Variants in KTN1 observed in about 807,000 individuals in gnomAD.
KTN1 encodes kinectin.
KTN1 carries 130 observed loss-of-function variants against 222.5 expected under a neutral mutation model. The observed-to-expected ratio is 0.58, with a 90% CI of 0.51 to 0.68. The LOEUF is 0.68. Among genes scored for constraint, KTN1 ranks in the 30% least tolerant of loss-of-function variants. The probability of loss-of-function intolerance (pLI) is 0.00; values close to 1 mark genes in which losing one functional copy is unlikely to be tolerated. For synonymous variants in KTN1, 512 were observed against 496.3 expected (o/e 1.03, Z -0.42); for missense variants, 1,508 against 1,500.4 (o/e 1.01, Z -0.08).
chr14:55,581,460 A>AGTGT (rs995384199), intron 1 of KTN1, among the ~76,000 whole-genome samples: 3 of 149,494 alleles, frequency 2.0e-5, no homozygotes, highest in African/African-American at 4.9e-5. Context: ...TGTGTGTGTG[A>AGTGT]GTGTGTGTGT....
chr14:55,648,868 C>G lies in KTN1; in HGVS notation c.2365C>G (p.Gln789Glu), dbSNP rs1466484294. 5 of 1,569,172 alleles carry G rather than the reference C, an allele frequency of 3.2e-6. No individual in the cohort carries two copies. Among genetic ancestry groups the G allele is most frequent in the South Asian group, 2.3e-5 (2 of 88,190 alleles). Reference sequence around the variant, plus strand: ...AGACTTAAAAGCTAAGCAAAATGATCAGGTAATGTAAATTTTTACAACTGT... The same window carrying G: ...AGACTTAAAAGCTAAGCAAAATGATGAGGTAATGTAAATTTTTACAACTGT... ...VQDLKAKQND[Q>E]VSFASLVEEL... Residue 789 changes from glutamine (Q) to glutamate (E), a missense_variant and splice_region_variant, in exon 21 of 44, where the codon CAG (glutamine) becomes GAG (glutamate). Gln to Glu is a conservative substitution (Grantham distance 29). Coordinates refer to ENST00000395314, the MANE Select transcript of KTN1 (RefSeq NM_001079521.2).
At chr14:55,632,082 C>A (rs905063915) in intron 7 of KTN1, among the ~76,000 whole-genome samples, 2 of 152,164 alleles carry the variant, frequency 1.3e-5, no homozygotes, top group African/African-American at 4.8e-5. Context: ...CTTACCCTAT[C>A]CACTGCTTTT....
At chr14:55,581,130 T>G (rs2031457839) in intron 1 of KTN1, among the ~76,000 whole-genome samples, 1 of 152,216 alleles carries the variant, frequency 6.6e-6, no homozygotes, top group South Asian at 2.1e-4. Flanking sequence ...GCCGGAAAAC[T>G]ACGCGGGAAG....
intron 4 of KTN1, 87 bp from the exon 5 acceptor site, chr14:55,619,095 T>G: frequency 9.3e-7 from 1 of 1,075,882 alleles, no homozygotes; most frequent in Non-Finnish European, 1.4e-6. Flanking sequence ...TTCTGGGCCG[T>G]GAATTCTTCA....
intron 6 of KTN1, among the ~76,000 whole-genome samples, chr14:55,628,746 G>C (rs1180865461): frequency 1.3e-5 from 2 of 152,098 alleles, no homozygotes; most frequent in African/African-American, 4.8e-5. Context: ...GAAAAAGTTG[G>C]CAAGATTAAT....
At chr14:55,608,640 T>C (rs1354940432) in intron 1 of KTN1, among the ~76,000 whole-genome samples, 4 of 151,908 alleles carry the variant, frequency 2.6e-5, no homozygotes, top group Non-Finnish European at 2.9e-5. Context: ...TTTTTTTTTT[T>C]TGAGACAGAG....
At chr14:55,597,055 A>G (rs1035488648) in intron 1 of KTN1, among the ~76,000 whole-genome samples, 1 of 150,738 alleles carries the variant, frequency 6.6e-6, no homozygotes, top group African/African-American at 2.4e-5. Flanking sequence ...TATATGAAGG[A>G]TTATTTTGAA....
At chr14:55,633,715 C>G (rs2040788926) in intron 8 of KTN1, among the ~76,000 whole-genome samples, 1 of 152,126 alleles carries the variant, frequency 6.6e-6, no homozygotes, top group Non-Finnish European at 1.5e-5. Context: ...TGTCCCCTTT[C>G]ACAGTAGCTC....
intron 1 of KTN1, among the ~76,000 whole-genome samples, chr14:55,603,970 A>G (rs2036361575): frequency 6.6e-6 from 1 of 152,154 alleles, no homozygotes; most frequent in African/African-American, 2.4e-5. Flanking sequence ...AAATTTGACC[A>G]TCTCACCTGC....
At chr14:55,604,378 T>A (rs2036431193) in intron 1 of KTN1, among the ~76,000 whole-genome samples, 1 of 152,166 alleles carries the variant, frequency 6.6e-6, no homozygotes, top group Non-Finnish European at 1.5e-5. Context: ...ATGTCATTTT[T>A]TAAAAATGAG....
At chr14:55,654,827 CT>C (rs2043300972) in intron 28 of KTN1, among the ~76,000 whole-genome samples, 2 of 152,128 alleles carry the variant, frequency 1.3e-5, no homozygotes, top group Admixed American at 6.6e-5. Context: ...CCTTAAAAAT[CT>C]CCTGTGTTCT....
chr14:55,678,464 C>A lies in KTN1; in HGVS notation c.3948+20C>A, dbSNP rs368655023. On this transcript the variant is annotated intron_variant, in intron 42 of 43. Coordinates refer to ENST00000395314, the MANE Select transcript of KTN1 (RefSeq NM_001079521.2). ...GAAACGGTATGTATTTTCTTCATCC[C>A]CAGATCTCTGAGCTAGTTACCTTGT... 2 of 1,470,616 alleles carry A rather than the reference C, an allele frequency of 1.4e-6. No homozygotes were observed. Among genetic ancestry groups the A allele is most frequent in the Non-Finnish European group, 9.5e-7 (1 of 1,049,492 alleles). The allele number at this position is 1,470,616 out of a possible 1,614,324, so 91.1% of individuals were successfully genotyped here. A position where few individuals can be genotyped will look rare whatever the true frequency, so the allele number is the denominator to read the frequency against.
intron 24 of KTN1, 78 bp from the exon 25 acceptor site, chr14:55,651,812 A>T (rs1187941563): frequency 4.4e-6 from 4 of 902,150 alleles, no homozygotes. Context: ...TGAAGTGTAC[A>T]CATTATAAAG....
intron 7 of KTN1, among the ~76,000 whole-genome samples, chr14:55,631,606 G>T (rs1022247670): frequency 1.3e-5 from 2 of 151,710 alleles, no homozygotes; most frequent in African/African-American, 4.8e-5. Context: ...AACATAGTGG[G>T]ACCCCATTCT....
At position 55,615,940 on chromosome 14, in the gene KTN1, G is replaced by T. The variant is rs142761875; in HGVS notation, c.524-577G>T. On this transcript the variant is annotated intron_variant, in intron 2 of 43. Transcript: ENST00000395314. ...TTTCTTTCCTTTTTCTTTCGACAGG[G>T]TCTTGCTCTGTTGCTGAGGCTCGAG... Among the ~76,000 whole-genome samples, 543 of 147,748 alleles carry T rather than the reference G, an allele frequency of 3.7e-3. 6 individuals are homozygous for T. Among genetic ancestry groups the T allele is most frequent in the African/African-American group, 0.013 (523 of 39,398 alleles).
intron 7 of KTN1, 129 bp from the exon 8 acceptor site, chr14:55,633,096 GTTTATATTTA>G (rs1354205128): frequency 4.3e-6 from 2 of 463,306 alleles, no homozygotes; most frequent in Non-Finnish European, 7.7e-6. Context: ...TTTTAAATTT[GTTTATATTTA>G]TTTGAGAAGA....
chr14:55,589,414 C>T (rs1038964352), intron 1 of KTN1, among the ~76,000 whole-genome samples: 16 of 151,732 alleles, frequency 1.1e-4, no homozygotes, highest in Non-Finnish European at 2.1e-4. Flanking sequence ...CTCCTGGGCT[C>T]AAGCGATTCT....
chr14:55,599,500 T>G (rs1019998710), intron 1 of KTN1, among the ~76,000 whole-genome samples: 3 of 152,116 alleles, frequency 2.0e-5, no homozygotes, highest in African/African-American at 4.8e-5. Context: ...AGTCTCGTTC[T>G]GTTGCCCAGG....
intron 6 of KTN1, among the ~76,000 whole-genome samples, chr14:55,628,520 A>T (rs536559035): frequency 6.6e-6 from 1 of 152,248 alleles, no homozygotes; most frequent in Non-Finnish European, 1.5e-5. Flanking sequence ...TCTTTAAAAC[A>T]TCATGAAACT....
Sources: allele counts gnomAD v4.1 joint callset (sites outside exome capture counted in the v4.1 genomes callset), GRCh38; gene constraint gnomAD v4.1.1; transcripts MANE v1.5; gene names NCBI Gene and HGNC (gene_info 2026-07-23, HGNC 2026-07-21).